CDK13: variants seen among roughly 807,000 people sequenced by gnomAD.
CDK13 encodes cyclin-dependent kinase 13.
Under a neutral mutation model 137.6 loss-of-function variants are expected in CDK13, and 40 were observed. The observed-to-expected ratio is 0.29, with a 90% CI of 0.23 to 0.38. The LOEUF (loss-of-function observed/expected upper bound fraction) is 0.38. Ranked by LOEUF, CDK13 falls within the 10% of genes least tolerant of loss-of-function variation. The probability of loss-of-function intolerance (pLI) is 1.00; values close to 1 mark genes in which losing one functional copy is unlikely to be tolerated. For synonymous variants in CDK13, 869 were observed against 760.1 expected, an observed-to-expected ratio of 1.14 and a Z score of -2.36; for missense variants, 1,704 against 1,951.8, an observed-to-expected ratio of 0.87 and a Z score of 2.39.
intron 2 of CDK13, among the ~76,000 whole-genome samples, chr7:39,989,574 G>GAC (rs1227421716): frequency 1.3e-5 from 2 of 152,036 alleles, no homozygotes; most frequent in Non-Finnish European, 2.9e-5. Context: ...GTTGTTGGGA[G>GAC]ACCCCATCCA....
intron 12 of CDK13, among the ~76,000 whole-genome samples, chr7:40,090,227 C>T (rs934848727): frequency 6.6e-6 from 1 of 152,220 alleles, no homozygotes; most frequent in Non-Finnish European, 1.5e-5. Context: ...CTCTACCAAA[C>T]GTAGTAGTTT....
rs2116066420 is a variant in CDK13, at chr7:39,951,521, A to G, written c.880A>G (p.Lys294Glu). ...GTCCAAGGAGCCGCCTTCGGCCTAC[A>G]AGGAACCGCCCAAGGCCTACCGGGA... ...KSSKEPPSAY[K>E]EPPKAYREDK... Residue 294 changes from lysine (K) to glutamate (E), a missense_variant, in exon 1 of 14, where the codon AAG becomes GAG. By Grantham distance (56) the Lys-to-Glu change is moderately conservative (BLOSUM62 1). Transcript: ENST00000181839. The G allele has an allele frequency of 2.0e-6, 3 of 1,535,656 alleles. No homozygotes were observed. The highest frequency in any genetic ancestry group is 2.6e-5 in the East Asian group (1 of 38,780).
intron 1 of CDK13, among the ~76,000 whole-genome samples, chr7:39,976,672 T>G (rs1017842633): frequency 5.3e-5 from 8 of 152,132 alleles, no homozygotes; most frequent in Non-Finnish European, 1.0e-4. Flanking sequence ...TATACATACA[T>G]ACCTGTGATA....
At chr7:40,090,017 T>C (rs942744943) in intron 12 of CDK13, among the ~76,000 whole-genome samples, 3 of 152,196 alleles carry the variant, frequency 2.0e-5, no homozygotes, top group African/African-American at 4.8e-5. Flanking sequence ...GCAATTGTTA[T>C]TTGTTGTTCA....
At position 40,099,183 on chromosome 7, in the gene CDK13, C is replaced by T. The variant is rs1312165240; in HGVS notation, c.*4203C>T. On this transcript the variant is annotated 3_prime_UTR_variant, in exon 14 of 14. Transcript: ENST00000181839. ...TCTCCAGATAATTTCTTAAATGTTT[C>T]TACTTAAAAATAAAAGCTATTAATA... 1 of 151,894 alleles carries T rather than the reference C, an allele frequency of 6.6e-6. No individual in the cohort carries two copies. The highest frequency in any genetic ancestry group is 2.4e-5 in the African/African-American group (1 of 41,372). The allele number at this position is 151,894 out of a possible 1,614,324, so 9.4% of individuals were successfully genotyped here.
intron 5 of CDK13, among the ~76,000 whole-genome samples, chr7:40,013,674 C>T (rs1784943159): frequency 6.6e-6 from 1 of 152,056 alleles, no homozygotes; most frequent in Admixed American, 6.6e-5. Flanking sequence ...TGAAAATGTT[C>T]TAAAATTCAT....
chr7:40,046,437 A>C (rs1163573894), intron 6 of CDK13, among the ~76,000 whole-genome samples: 1 of 152,128 alleles, frequency 6.6e-6, no homozygotes, highest in Non-Finnish European at 1.5e-5. Context: ...TGAGACCAGG[A>C]GTTCATGACC....
At chr7:39,987,143 T>C (rs896317478) in intron 1 of CDK13, 4 of 152,720 alleles carry the variant, frequency 2.6e-5, no homozygotes, top group African/African-American at 4.8e-5. Flanking sequence ...ACTCTACTTA[T>C]TGCCCAGTAG....
At chr7:39,971,319 C>G (rs1462278005) in intron 1 of CDK13, among the ~76,000 whole-genome samples, 1 of 151,824 alleles carries the variant, frequency 6.6e-6, no homozygotes. Flanking sequence ...GAGTTCAAGA[C>G]TAGCCTGGCC....
chr7:40,053,835 A>C (rs927670879), intron 7 of CDK13, among the ~76,000 whole-genome samples: 3 of 127,860 alleles, frequency 2.3e-5, no homozygotes, highest in African/African-American at 7.8e-5. Context: ...TTTATTATAC[A>C]TAGTTTCCTT....
chr7:40,041,193 G>A (rs1785597721), intron 5 of CDK13, among the ~76,000 whole-genome samples: 1 of 152,094 alleles, frequency 6.6e-6, no homozygotes, highest in Non-Finnish European at 1.5e-5. Flanking sequence ...AGGAGTGGTG[G>A]TGCACACCAG....
intron 1 of CDK13, among the ~76,000 whole-genome samples, chr7:39,980,638 A>G (rs1057128382): frequency 6.6e-6 from 1 of 152,208 alleles, no homozygotes. Context: ...TGTATTGGGC[A>G]TCATATGTAT....
chr7:40,089,721 A>AGTGTGTGT (rs1302558699), intron 12 of CDK13, among the ~76,000 whole-genome samples: 7 of 126,758 alleles, frequency 5.5e-5, no homozygotes, highest in African/African-American at 2.6e-4. Context: ...AGAGAGAGAG[A>AGTGTGTGT]GAGTGTGTGT....
At chr7:39,969,362 A>AT (rs1783945674) in intron 1 of CDK13, among the ~76,000 whole-genome samples, 1 of 152,142 alleles carries the variant, frequency 6.6e-6, no homozygotes. Flanking sequence ...TTCAGAAGTG[A>AT]TTTTTAAAAA....
intron 1 of CDK13, among the ~76,000 whole-genome samples, chr7:39,969,895 C>A (rs1266276735): frequency 2.0e-5 from 3 of 151,936 alleles, no homozygotes; most frequent in Admixed American, 6.6e-5. Context: ...ATGCTAGATA[C>A]AAATAAATGT....
chr7:40,034,598 A>G (rs1468751876), intron 5 of CDK13, among the ~76,000 whole-genome samples: 1 of 152,164 alleles, frequency 6.6e-6, no homozygotes, highest in Non-Finnish European at 1.5e-5. Context: ...TACATTATAA[A>G]TAGTACTGCT....
At chr7:40,028,458 T>G (rs531751615) in intron 5 of CDK13, among the ~76,000 whole-genome samples, 2 of 152,160 alleles carry the variant, frequency 1.3e-5, no homozygotes, top group Admixed American at 6.5e-5. Flanking sequence ...GACCTCATGA[T>G]CTGCCCGCCT....
chr7:39,990,097 A>G (rs910161519), intron 2 of CDK13, among the ~76,000 whole-genome samples: 1 of 152,032 alleles, frequency 6.6e-6, no homozygotes, highest in Non-Finnish European at 1.5e-5. Flanking sequence ...TTTATTCTTC[A>G]TGTATGCTTT....
At chr7:40,032,066 T>G (rs1370265635) in intron 5 of CDK13, among the ~76,000 whole-genome samples, 2 of 151,918 alleles carry the variant, frequency 1.3e-5, no homozygotes, top group Non-Finnish European at 2.9e-5. Flanking sequence ...TCTTCGGTTG[T>G]TTTGTTTTGT....
Sources: allele counts gnomAD v4.1 joint callset (sites outside exome capture counted in the v4.1 genomes callset), GRCh38; gene constraint gnomAD v4.1.1; transcripts MANE v1.5; gene names NCBI Gene and HGNC (gene_info 2026-07-23, HGNC 2026-07-21).